Variants in RSU1 observed in about 807,000 individuals in gnomAD.
RSU1 encodes rsu-1.
A neutral mutation model predicts 31.1 loss-of-function variants in RSU1; 26 were observed. The ratio of observed to expected loss-of-function variants is 0.84; its 90% confidence interval spans 0.61 to 1.16. RSU1 has a LOEUF of 1.16. Ranked by LOEUF, RSU1 falls within the 50% of genes most tolerant of loss-of-function variation. The pLI is 0.00. For missense variants in RSU1, 320 were observed against 339.1 expected, an observed-to-expected ratio of 0.94 and a Z score of 0.44; for synonymous variants, 164 against 136.3, an observed-to-expected ratio of 1.20 and a Z score of -1.41.
At chr10:16,618,463 A>C (rs1015898992) in intron 8 of RSU1, among the ~76,000 whole-genome samples, 1 of 152,226 alleles carries the variant, frequency 6.6e-6, no homozygotes, top group African/African-American at 2.4e-5. Context: ...TGACTCAGCA[A>C]TCCCATTACT....
intron 8 of RSU1, among the ~76,000 whole-genome samples, chr10:16,657,965 G>A (rs562303280): frequency 6.6e-6 from 1 of 152,010 alleles, no homozygotes; most frequent in East Asian, 1.9e-4. Context: ...ACTCCAGCCT[G>A]GGGAACAGAG....
intron 2 of RSU1, among the ~76,000 whole-genome samples, chr10:16,811,125 C>T (rs1393054642): frequency 6.6e-6 from 1 of 152,160 alleles, no homozygotes; most frequent in Non-Finnish European, 1.5e-5. Context: ...GACACACACA[C>T]TCACCATCAT....
At chr10:16,630,980 C>G (rs1209035434) in intron 8 of RSU1, among the ~76,000 whole-genome samples, 1 of 152,226 alleles carries the variant, frequency 6.6e-6, no homozygotes, top group Non-Finnish European at 1.5e-5. Context: ...TCTCAGTTAA[C>G]TCAGTCCAAA....
intron 2 of RSU1, among the ~76,000 whole-genome samples, chr10:16,797,284 G>C (rs1031267594): frequency 1.5e-4 from 23 of 152,192 alleles, no homozygotes; most frequent in Admixed American, 1.1e-3. Context: ...CTTTTAAAAA[G>C]AGAGAGAAAA....
intron 8 of RSU1, among the ~76,000 whole-genome samples, chr10:16,633,592 A>T (rs1223143646): frequency 6.6e-6 from 1 of 152,086 alleles, no homozygotes; most frequent in African/African-American, 2.4e-5. Context: ...TGAGTCCTAT[A>T]CAGTGACTAT....
At chr10:16,783,306 T>C (rs1837696964) in intron 2 of RSU1, among the ~76,000 whole-genome samples, 1 of 151,984 alleles carries the variant, frequency 6.6e-6, no homozygotes, top group African/African-American at 2.4e-5. Flanking sequence ...GGTCTCGATG[T>C]TGGGGCTCAG....
At chr10:16,762,554 C>T (rs1203103539) in intron 4 of RSU1, among the ~76,000 whole-genome samples, 2 of 151,592 alleles carry the variant, frequency 1.3e-5, no homozygotes, top group African/African-American at 2.4e-5. Flanking sequence ...GATGTTCCTC[C>T]CTCCTTTTAA....
At chr10:16,684,528 G>C (rs935237591) in intron 8 of RSU1, among the ~76,000 whole-genome samples, 2 of 152,148 alleles carry the variant, frequency 1.3e-5, no homozygotes, top group South Asian at 4.1e-4. Context: ...GGGAGCTTTG[G>C]ACACAGAGAC....
At chr10:16,620,831 C>T (rs546428040) in intron 8 of RSU1, among the ~76,000 whole-genome samples, 8 of 142,158 alleles carry the variant, frequency 5.6e-5, no homozygotes, top group South Asian at 2.2e-4. Context: ...GGCAACAGAG[C>T]GAGACTCCAT....
At chr10:16,662,522 T>C (rs371426278) in intron 8 of RSU1, among the ~76,000 whole-genome samples, 1 of 152,216 alleles carries the variant, frequency 6.6e-6, no homozygotes, top group Admixed American at 6.5e-5. Context: ...CCTGTCCTTA[T>C]AAACATATTG....
At chr10:16,645,756 G>A (rs758577500) in intron 8 of RSU1, among the ~76,000 whole-genome samples, 2 of 150,228 alleles carry the variant, frequency 1.3e-5, no homozygotes, top group African/African-American at 4.9e-5. Context: ...GCAGTAAGCC[G>A]AGATCACGCC....
intron 8 of RSU1, among the ~76,000 whole-genome samples, chr10:16,600,695 G>A (rs1352890762): frequency 2.0e-5 from 3 of 151,774 alleles, no homozygotes; most frequent in Non-Finnish European, 4.4e-5. Flanking sequence ...CCAAGTAGCT[G>A]GGGCTACAGG....
intron 7 of RSU1, among the ~76,000 whole-genome samples, chr10:16,749,448 T>A (rs1206913493): frequency 1.3e-5 from 2 of 152,208 alleles, no homozygotes; most frequent in African/African-American, 4.8e-5. Flanking sequence ...AAAGCATTTA[T>A]CTCGTGTATT....
chr10:16,712,033 G>A (rs1197115925), intron 7 of RSU1, among the ~76,000 whole-genome samples: 2 of 152,186 alleles, frequency 1.3e-5, no homozygotes, highest in Admixed American at 1.3e-4. Context: ...GAGTGCATAT[G>A]TATTTGTTAC....
chr10:16,787,153 GCCACAACAGTGAGT>G (rs1837807653), intron 2 of RSU1, among the ~76,000 whole-genome samples: 1 of 152,120 alleles, frequency 6.6e-6, no homozygotes, highest in Admixed American at 6.5e-5. Context: ...GCCCTTTGGA[GCCACAACAGTGAGT>G]CTCTTGGGTC....
At chr10:16,676,446 C>A (rs1835233865) in intron 8 of RSU1, among the ~76,000 whole-genome samples, 1 of 152,152 alleles carries the variant, frequency 6.6e-6, no homozygotes, top group African/African-American at 2.4e-5. Flanking sequence ...AAAACCCACC[C>A]CTATGATTCA....
intron 8 of RSU1, among the ~76,000 whole-genome samples, chr10:16,616,489 A>C (rs1301305867): frequency 6.6e-6 from 1 of 152,120 alleles, no homozygotes; most frequent in African/African-American, 2.4e-5. Context: ...ATAGAAAAAG[A>C]GGGACTCCTC....
rs1314187124 is a variant in RSU1, at chr10:16,655,084, G to A, written c.731+39939C>T. Among the ~76,000 whole-genome samples, 14 of 147,080 alleles carry A rather than the reference G, an allele frequency of 9.5e-5. No homozygotes were observed. The East Asian group carries it at 2.4e-3, about 25-fold the overall frequency. ...AAAAAAAAAAAAAAAAAGAGAGAGAGAGAGAGAGAAATGCATTCTGTATCA... is the reference window on the plus strand; with the variant it reads ...AAAAAAAAAAAAAAAAAGAGAGAGAAAGAGAGAGAAATGCATTCTGTATCA... On this transcript the variant is annotated intron_variant, in intron 8 of 8. Transcript: ENST00000345264.
At chr10:16,797,092 G>A (rs967529722) in intron 2 of RSU1, among the ~76,000 whole-genome samples, 1 of 152,158 alleles carries the variant, frequency 6.6e-6, no homozygotes, top group Non-Finnish European at 1.5e-5. Flanking sequence ...CCTGCAGTAG[G>A]GTCTGATGGA....
Sources: allele counts gnomAD v4.1 joint callset (sites outside exome capture counted in the v4.1 genomes callset), GRCh38; gene constraint gnomAD v4.1.1; transcripts MANE v1.5; gene names NCBI Gene and HGNC (gene_info 2026-07-23, HGNC 2026-07-21).